Variants in DNAJC17 observed in about 807,000 individuals in gnomAD.
DNAJC17 encodes the protein dnaJ homolog subfamily C member 17.
A neutral mutation model predicts 48.1 loss-of-function variants in DNAJC17; 35 were observed. The observed-to-expected ratio is 0.73, with a 90% CI of 0.56 to 0.96. DNAJC17 has a LOEUF of 0.96. DNAJC17 is among the 50% of genes least tolerant of loss of function. The pLI, the probability that DNAJC17 is intolerant of heterozygous loss-of-function variation, is 0.00. For missense variants in DNAJC17, 355 were observed against 377.1 expected, an observed-to-expected ratio of 0.94 and a Z score of 0.48; for synonymous variants, 117 against 142.7, an observed-to-expected ratio of 0.82 and a Z score of 1.28.
At chr15:40,771,272 C>T (rs1302197946) in intron 10 of DNAJC17, 3 of 545,134 alleles carry the variant, frequency 5.5e-6, no homozygotes, top group African/African-American at 1.9e-5. Context: ...GCGGCCCTTC[C>T]TGGCAGGACC....
At chr15:40,791,625 A>T (rs1489748623) in intron 1 of DNAJC17, among the ~76,000 whole-genome samples, 1 of 151,948 alleles carries the variant, frequency 6.6e-6, no homozygotes, top group African/African-American at 2.4e-5. Flanking sequence ...TGGGCGGATC[A>T]CCTGAGGTCA....
chr15:40,773,563 A>C (rs1035007146), intron 10 of DNAJC17, among the ~76,000 whole-genome samples, 164 bp downstream of exon 10: 1 of 152,140 alleles, frequency 6.6e-6, no homozygotes. Context: ...AGAGAGGAAA[A>C]GGGTTCAACG....
At chr15:40,774,922 A>G (rs78950952) in intron 8 of DNAJC17, 109 bp downstream of exon 8, 14 of 1,162,676 alleles carry the variant, frequency 1.2e-5, no homozygotes, top group Non-Finnish European at 1.6e-5. Flanking sequence ...AGAAAAAAAA[A>G]GCAAGTAGAT....
chr15:40,794,070 A>G (rs1889882172), intron 1 of DNAJC17, among the ~76,000 whole-genome samples: 1 of 152,214 alleles, frequency 6.6e-6, no homozygotes, highest in South Asian at 2.1e-4. Flanking sequence ...TACACATTAA[A>G]GATAGTTATA....
chr15:40,783,221 A>G (rs747035704), intron 1 of DNAJC17, among the ~76,000 whole-genome samples: 25 of 152,088 alleles, frequency 1.6e-4, no homozygotes, highest in Admixed American at 1.2e-3. Context: ...CTTTTTTTCA[A>G]TAAGTAAAAC....
chr15:40,791,102 C>A (rs1889788066), intron 1 of DNAJC17, among the ~76,000 whole-genome samples: 1 of 152,110 alleles, frequency 6.6e-6, no homozygotes, highest in African/African-American at 2.4e-5. Context: ...CTTTTGGAGG[C>A]CAAGGTGGGA....
In DNAJC17 at chr15:40,767,991, T is replaced by C. The variant is rs1293128960; in HGVS notation, c.864A>G (p.Gln288=). ...CCTGCTGCATCCGTGCGATCAGCTG[T>C]TGCCGCTCGGCCGCCTGGCGCATGC... ...MMRMRQAAER[Q]QLIARMQQED... is the part of the protein sequence containing the mutation. The change falls in exon 11 of 11, where the codon CAA becomes CAG. Residue 288 remains glutamine (Q), a synonymous_variant. Transcript: ENST00000220496. 1.9e-6 allele frequency: 3 copies of C among 1,608,304 alleles called. No individual in the cohort carries two copies. The highest frequency in any genetic ancestry group is 2.5e-6 in the Non-Finnish European group (3 of 1,178,420).
rs1817649940 is a variant in DNAJC17, at chr15:40,770,807, A to G, written c.793-2745T>C. 1 of 1,549,982 alleles carries G rather than the reference A, an allele frequency of 6.5e-7. No individual in the cohort carries two copies. The highest frequency in any genetic ancestry group is 1.4e-5 in the African/African-American group (1 of 72,980). ...TGGAGCCCCCACCTGCCTACACAGC[A>G]GCCTACTCTGCCACCCTGCCATCGG... On this transcript the variant is annotated intron_variant, in intron 10 of 10. Transcript: ENST00000220496. This position sits in a 1 kb window ranked among gnomAD's most constrained non-coding sequence, Gnocchi z 5.0.
intron 3 of DNAJC17, 112 bp from the exon 4 acceptor site, chr15:40,779,422 T>C (rs1240456006): frequency 6.5e-7 from 1 of 1,545,972 alleles, no homozygotes; most frequent in South Asian, 1.1e-5. Context: ...GCCTGGTGAC[T>C]GGGTCTCCTG....
At chr15:40,780,571 T>C in intron 1 of DNAJC17, 1 of 357,166 alleles carries the variant, frequency 2.8e-6, no homozygotes, top group Non-Finnish European at 5.5e-6. Flanking sequence ...CCCAGCACTT[T>C]GGGAGGCTGA....
chr15:40,784,170 T>C (rs1377842277), intron 1 of DNAJC17, among the ~76,000 whole-genome samples: 1 of 151,814 alleles, frequency 6.6e-6, no homozygotes, highest in African/African-American at 2.4e-5. Flanking sequence ...GAGCCGAGAT[T>C]GCACCACTGC....
Position 40,775,606 on chromosome 15 carries a change from T to C in DNAJC17, c.479-10A>G, listed in dbSNP as rs758678413. ...GTATTTTCTGCCTTTCCTAGAAATA[T>C]TGGGAAAAGAAGAAAAGTAGAATAT... On this transcript the variant is annotated splice_polypyrimidine_tract_variant and intron_variant, in intron 6 of 10. Coordinates refer to ENST00000220496, the MANE Select transcript of DNAJC17 (RefSeq NM_018163.3). 7 of 1,613,476 alleles carry C rather than the reference T, an allele frequency of 4.3e-6. No homozygotes were observed. In the African/African-American group the frequency reaches 5.3e-5, roughly 12 times the overall value.
chr15:40,765,782 T>A lies in DNAJC17; in HGVS notation c.*2158A>T, dbSNP rs1888933587. On this transcript the variant is annotated 3_prime_UTR_variant, in exon 11 of 11. Transcript: ENST00000220496. Reference sequence around the variant, plus strand: ...GGAAGGACAGGCAAGACCTTCCACCTCCTCCTGGCAGCCAGCCAAGCAGCC... The same window carrying A: ...GGAAGGACAGGCAAGACCTTCCACCACCTCCTGGCAGCCAGCCAAGCAGCC... 3 of 1,007,494 alleles carry A rather than the reference T, an allele frequency of 3.0e-6. No individual in the cohort carries two copies. The South Asian group carries it at 4.7e-5, about 16-fold the overall frequency. 62.4% of individuals were successfully genotyped at this position (1,007,494 alleles called of 1,614,324 possible). A position where few individuals can be genotyped will look rare whatever the true frequency, so the allele number is the denominator to read the frequency against.
At chr15:40,799,224 CAAAAAAAAA>C (rs34609538) in intron 1 of DNAJC17, among the ~76,000 whole-genome samples, 11 of 44,368 alleles carry the variant, frequency 2.5e-4, no homozygotes, top group Non-Finnish European at 1.4e-4. Flanking sequence ...GACTCCATCT[CAAAAAAAAA>C]AAAAAAAAAA....
At chr15:40,768,714 T>TA (rs1233378998) in intron 10 of DNAJC17, among the ~76,000 whole-genome samples, 1 of 152,212 alleles carries the variant, frequency 6.6e-6, no homozygotes, top group Non-Finnish European at 1.5e-5. Flanking sequence ...GCCAAGGCTG[T>TA]AGGGTGGAGA....
intron 1 of DNAJC17, among the ~76,000 whole-genome samples, chr15:40,795,807 G>T (rs1024006730): frequency 1.3e-5 from 2 of 152,092 alleles, no homozygotes; most frequent in African/African-American, 4.8e-5. Context: ...CAGGAGAATC[G>T]CTTGAACCCG....
chr15:40,780,319 A>G (rs980012213), intron 1 of DNAJC17: 1 of 522,130 alleles, frequency 1.9e-6, no homozygotes, highest in Admixed American at 2.3e-5. Context: ...TACTCTACAC[A>G]TTCTTGGTGG....
chr15:40,767,350 C>T lies in DNAJC17; in HGVS notation c.*590G>A, dbSNP rs1888973293. 3 of 1,594,842 alleles carry T rather than the reference C, an allele frequency of 1.9e-6. No individual in the cohort carries two copies. In the East Asian group the frequency reaches 6.9e-5, roughly 37 times the overall value. Reference sequence around the variant, plus strand: ...GGTGTGGTGTCTGCACAAGGAGTGACCTTCTCATGCTGATTTGCAGACGGG... The same window carrying T: ...GGTGTGGTGTCTGCACAAGGAGTGATCTTCTCATGCTGATTTGCAGACGGG... On this transcript the variant is annotated 3_prime_UTR_variant, in exon 11 of 11. Coordinates refer to ENST00000220496, the MANE Select transcript of DNAJC17 (RefSeq NM_018163.3).
chr15:40,775,437 G>C, intron 7 of DNAJC17, 116 bp downstream of exon 7: 1 of 1,194,466 alleles, frequency 8.4e-7, no homozygotes, highest in South Asian at 1.3e-5. Context: ...AATGGTGCGG[G>C]CTCCACGCAG....
Sources: gnomAD v4.1 joint callset for allele counts (sites outside exome capture counted in the v4.1 genomes callset) on GRCh38, gnomAD v4.1.1 for gene constraint, Gnocchi (gnomAD v3.1) non-coding constraint, MANE v1.5 for transcripts, NCBI Gene and HGNC (gene_info 2026-07-23, HGNC 2026-07-21) for gene names.